Variants in UBE2O observed in about 807,000 individuals in gnomAD.
UBE2O encodes the protein (E3-independent) E2 ubiquitin-conjugating enzyme.
Under a neutral mutation model 125.8 loss-of-function variants are expected in UBE2O, and 15 were observed. That is an observed-to-expected ratio of 0.12 (90% CI 0.08 to 0.18). The LOEUF (loss-of-function observed/expected upper bound fraction) is 0.18. Ranked by LOEUF, UBE2O falls within the 10% of genes least tolerant of loss-of-function variation. UBE2O has a pLI of 1.00. For synonymous variants in UBE2O, 708 were observed against 703.2 expected (o/e 1.01, Z -0.11); for missense variants, 1,280 against 1,723.6 (o/e 0.74, Z 4.56).
At position 76,400,910 on chromosome 17, in the gene UBE2O, G is replaced by T; in HGVS notation, c.894+101C>A. On this transcript the variant is annotated intron_variant, in intron 6 of 17. Coordinates refer to ENST00000319380, the MANE Select transcript of UBE2O (RefSeq NM_022066.4). The surrounding 1 kb of genome is among the most constrained non-coding windows in gnomAD (Gnocchi z 4.3). ...ATCAACAGGGTCCAGATGCTGAGGA[G>T]CGGGGCTCAACCCTCAAGAGCAGGA... 7.1e-7 allele frequency: 1 copy of T among 1,406,410 alleles called. No homozygotes were observed. Among genetic ancestry groups the T allele is most frequent in the South Asian group, 1.3e-5 (1 of 76,092 alleles). 87.1% of individuals were successfully genotyped at this position (1,406,410 alleles called of 1,614,324 possible).
intron 1 of UBE2O, among the ~76,000 whole-genome samples, chr17:76,441,493 G>A (rs2073074606): frequency 6.6e-6 from 1 of 152,080 alleles, no homozygotes; most frequent in South Asian, 2.1e-4. Flanking sequence ...ATTAACACTG[G>A]CACTAGAAGA....
At chr17:76,407,295 T>C (rs751168646) in intron 1 of UBE2O, among the ~76,000 whole-genome samples, 1 of 152,216 alleles carries the variant, frequency 6.6e-6, no homozygotes, top group Non-Finnish European at 1.5e-5. Flanking sequence ...CCCAGGAGGC[T>C]GGAGAGGCAT....
rs1307879648 is a variant in UBE2O at position 76,452,558 on chromosome 17, TG to T, written c.417+166del. ...CCTGGCTGGCGTGTGCGCCCAGAGCTGCTGCAATGACTTTGCATGGAGTGTA... is the reference window on the plus strand; with the variant it reads ...CCTGGCTGGCGTGTGCGCCCAGAGCTCTGCAATGACTTTGCATGGAGTGTA... On this transcript the variant is annotated intron_variant, in intron 1 of 17. Coordinates refer to ENST00000319380, the MANE Select transcript of UBE2O (RefSeq NM_022066.4). This position sits in a 1 kb window ranked among gnomAD's most constrained non-coding sequence, Gnocchi z 4.4. Among the ~76,000 whole-genome samples the T allele has an allele frequency of 6.6e-6, 1 of 152,172 alleles. No individual in the cohort carries two copies. Among genetic ancestry groups the T allele is most frequent in the Non-Finnish European group, 1.5e-5 (1 of 68,016 alleles).
At chr17:76,393,132 CCT>C (rs2072144007) in intron 15 of UBE2O, among the ~76,000 whole-genome samples, 1 of 151,512 alleles carries the variant, frequency 6.6e-6, no homozygotes, top group South Asian at 2.1e-4. Context: ...GTGGTGCATA[CCT>C]ACAGTCCCAG....
At chr17:76,430,924 T>C in intron 1 of UBE2O, 1 of 396,590 alleles carries the variant, frequency 2.5e-6, no homozygotes. Context: ...CCTTTCAAAT[T>C]TCAGTTCTGT....
chr17:76,438,985 C>G (rs1367388705), intron 1 of UBE2O, among the ~76,000 whole-genome samples: 1 of 152,276 alleles, frequency 6.6e-6, no homozygotes, highest in East Asian at 1.9e-4. Context: ...TGTAAACTGC[C>G]GCCAAATCAC....
At chr17:76,412,732 G>A (rs1305471021) in intron 1 of UBE2O, among the ~76,000 whole-genome samples, 2 of 152,196 alleles carry the variant, frequency 1.3e-5, no homozygotes, top group African/African-American at 2.4e-5. Context: ...CAACTCGGCC[G>A]GGCGCAGTGG....
rs2072286756 is a variant in UBE2O, at chr17:76,399,874, G to T, written c.1203C>A (p.Ser401=). Residue 401 remains serine, a synonymous_variant, in exon 9 of 18, where the codon TCC becomes TCA. Coordinates refer to ENST00000319380, the MANE Select transcript of UBE2O (RefSeq NM_022066.4). The surrounding 1 kb of genome is among the most constrained non-coding windows in gnomAD (Gnocchi z 6.9). ...KKQVVRIMSC[S]PDTQCSRDHS... ...GGTCCCGGGAACACTGGGTGTCTGGGGAGCATGACATGATCCGCACAACCT... is the reference window on the plus strand; with the variant it reads ...GGTCCCGGGAACACTGGGTGTCTGGTGAGCATGACATGATCCGCACAACCT... 6.2e-7 allele frequency: 1 copy of T among 1,613,066 alleles called. No homozygotes were observed.
chr17:76,402,036 G>T lies in UBE2O; in HGVS notation c.750+28C>A, dbSNP rs1357953772. On this transcript the variant is annotated intron_variant, in intron 5 of 17. Transcript: ENST00000319380. This position sits in a 1 kb window ranked among gnomAD's most constrained non-coding sequence, Gnocchi z 5.4. ...TCCAGAGGACTGAGCAATCAGAGAA[G>T]GGTGCTGGCCTGGATGGAGCACACT... The T allele has an allele frequency of 6.2e-7, 1 of 1,610,576 alleles. No homozygotes were observed. Among genetic ancestry groups the T allele is most frequent in the Admixed American group, 1.7e-5 (1 of 59,510 alleles).
At chr17:76,451,591 C>T (rs1218946290) in intron 1 of UBE2O, among the ~76,000 whole-genome samples, 1 of 152,180 alleles carries the variant, frequency 6.6e-6, no homozygotes, top group Non-Finnish European at 1.5e-5. Flanking sequence ...CATGAAACCC[C>T]GTTCCTCTGT....
At chr17:76,430,552 C>A in intron 1 of UBE2O, 1 of 267,742 alleles carries the variant, frequency 3.7e-6, no homozygotes, top group Non-Finnish European at 7.6e-6. Flanking sequence ...GTATAGAGCT[C>A]ATGAATCAGA....
In UBE2O at chr17:76,410,017, G is replaced by C. The variant is rs1427673736; in HGVS notation, c.418-4445C>G. Among the ~76,000 whole-genome samples, 1 of 152,160 alleles carries C rather than the reference G, an allele frequency of 6.6e-6. No individual in the cohort carries two copies. The highest frequency in any genetic ancestry group is 1.5e-5 in the Non-Finnish European group (1 of 68,034). On this transcript the variant is annotated intron_variant, in intron 1 of 17. Coordinates refer to ENST00000319380, the MANE Select transcript of UBE2O (RefSeq NM_022066.4). This position sits in a 1 kb window ranked among gnomAD's most constrained non-coding sequence, Gnocchi z 4.0. ...GATGCTGAACCAGAGATCGGGATGAGATGGGGAATGAGCTTACCAAGCAGG... is the reference window on the plus strand; with the variant it reads ...GATGCTGAACCAGAGATCGGGATGACATGGGGAATGAGCTTACCAAGCAGG...
rs1461962419 is a variant in UBE2O, at chr17:76,402,560, T to A, written c.686+42A>T. On this transcript the variant is annotated intron_variant, in intron 4 of 17. Transcript: ENST00000319380. The surrounding 1 kb of genome is among the most constrained non-coding windows in gnomAD (Gnocchi z 5.4). ...TCCTCCTCCCCTCTTTCCAAGAGGC[T>A]ATCCTTCCCAAGCCGATGGCTCTCT... 6.4e-6 allele frequency: 10 copies of A among 1,553,182 alleles called. No homozygotes were observed. The highest frequency in any genetic ancestry group is 8.9e-6 in the Non-Finnish European group (10 of 1,124,586).
intron 1 of UBE2O, among the ~76,000 whole-genome samples, chr17:76,419,867 ACCT>A (rs1464475140): frequency 1.3e-5 from 2 of 152,166 alleles, no homozygotes; most frequent in African/African-American, 4.8e-5. Context: ...CCACGCGGAA[ACCT>A]CAGAGTCTGA....
In UBE2O at chr17:76,405,383, C is replaced by T; in HGVS notation, c.478-67G>A. The T allele has an allele frequency of 1.3e-6, 2 of 1,517,112 alleles. No homozygotes were observed. Among genetic ancestry groups the T allele is most frequent in the Non-Finnish European group, 1.8e-6 (2 of 1,105,608 alleles). The allele number at this position is 1,517,112 out of a possible 1,614,324, so 94.0% of individuals were successfully genotyped here. On this transcript the variant is annotated intron_variant, in intron 2 of 17. Coordinates refer to ENST00000319380, the MANE Select transcript of UBE2O (RefSeq NM_022066.4). This position sits in a 1 kb window ranked among gnomAD's most constrained non-coding sequence, Gnocchi z 6.1. ...CCCTGGTCACCAGGGGAGACCCAGC[C>T]CAGGCAACCCCAGCGCACCCCCTGC...
intron 1 of UBE2O, among the ~76,000 whole-genome samples, chr17:76,411,003 G>A (rs749618723): frequency 1.3e-4 from 17 of 133,076 alleles, no homozygotes; most frequent in Admixed American, 5.1e-4. Context: ...ATACAAAGAC[G>A]CTAAATAAAG....
chr17:76,412,818 G>A (rs2072538262), intron 1 of UBE2O, among the ~76,000 whole-genome samples: 2 of 152,204 alleles, frequency 1.3e-5, no homozygotes, highest in Admixed American at 1.3e-4. Flanking sequence ...GACCAGCCTG[G>A]CCAACACGGT....
intron 1 of UBE2O, among the ~76,000 whole-genome samples, chr17:76,425,017 C>T (rs1322917341): frequency 1.1e-4 from 17 of 151,266 alleles, no homozygotes; most frequent in Admixed American, 9.2e-4. Flanking sequence ...ACTACAGGCA[C>T]CCGCCACCAC....
At position 76,400,597 on chromosome 17, in the gene UBE2O, C is replaced by T. The variant is rs944632024; in HGVS notation, c.895-47G>A. 2 of 1,378,764 alleles carry T rather than the reference C, an allele frequency of 1.5e-6. No homozygotes were observed. The highest frequency in any genetic ancestry group is 2.0e-6 in the Non-Finnish European group (2 of 991,938). 85.4% of individuals were successfully genotyped at this position (1,378,764 alleles called of 1,614,324 possible). On this transcript the variant is annotated intron_variant, in intron 6 of 17. Transcript: ENST00000319380. This position sits in a 1 kb window ranked among gnomAD's most constrained non-coding sequence, Gnocchi z 4.3. ...CGCCAGTCAGGGCAGGCTCTGACAG[C>T]ACTCTCTTTAGCCAGCTGCCCAAAG...
Sources: allele counts gnomAD v4.1 joint callset (sites outside exome capture counted in the v4.1 genomes callset), GRCh38; gene constraint gnomAD v4.1.1; non-coding constraint Gnocchi (gnomAD v3.1); transcripts MANE v1.5; gene names NCBI Gene and HGNC (gene_info 2026-07-23, HGNC 2026-07-21).